The following AGBL1 variants were observed in gnomAD, a reference collection of about 807,000 sequenced individuals.
AGBL1 encodes the protein AGBL carboxypeptidase 1.
In AGBL1, 130 loss-of-function variants were observed where a neutral mutation model predicts 118.9. The observed-to-expected ratio is 1.09, with a 90% CI of 0.95 to 1.26. The LOEUF (loss-of-function observed/expected upper bound fraction) is 1.26, where lower values mean the gene tolerates loss of function less well. Among genes scored for constraint, AGBL1 ranks in the 50% most tolerant of loss-of-function variants. The pLI is 0.00. For synonymous variants in AGBL1, 555 were observed against 478.9 expected (o/e 1.16, Z -2.08); for missense variants, 1,584 against 1,298.1 (o/e 1.22, Z -3.38).
chr15:86,397,509 A>G lies in AGBL1; in HGVS notation c.2518A>G (p.Ile840Val). 2 of 1,612,618 alleles carry G rather than the reference A, an allele frequency of 1.2e-6. No individual in the cohort carries two copies. Among genetic ancestry groups the G allele is most frequent in the Non-Finnish European group, 1.7e-6 (2 of 1,179,290 alleles). Residue 840 changes from isoleucine to valine, a missense_variant, in exon 18 of 23, where the codon ATA (isoleucine) becomes GTA (valine). Transcript: ENST00000614907. ...GAGGGAAAACTTCATCTTCAAGATC[A>G]TACCCATGCTCAACCCAGATGGTGT... Reference protein sequence around the residue: ...LLRENFIFKIIPMLNPDGVIN... With the variant: ...LLRENFIFKIVPMLNPDGVIN...
At chr15:86,765,364 T>G (rs1174521465) in intron 22 of AGBL1, among the ~76,000 whole-genome samples, 1 of 151,938 alleles carries the variant, frequency 6.6e-6, no homozygotes, top group African/African-American at 2.4e-5. Context: ...GCCCTCACAG[T>G]CTAGTGAGGA....
intron 18 of AGBL1, among the ~76,000 whole-genome samples, chr15:86,445,561 T>C (rs1418486369): frequency 6.6e-6 from 1 of 152,248 alleles, no homozygotes; most frequent in South Asian, 2.1e-4. Flanking sequence ...CCCTGCTCCA[T>C]AGAAAATAAA....
intron 1 of AGBL1, among the ~76,000 whole-genome samples, chr15:86,102,961 G>A (rs1896822945): frequency 6.6e-6 from 1 of 151,536 alleles, no homozygotes; most frequent in South Asian, 2.1e-4. Flanking sequence ...TAAATATTTG[G>A]CCACTTTAAG....
intron 18 of AGBL1, among the ~76,000 whole-genome samples, chr15:86,429,574 C>T (rs1042189510): frequency 3.9e-5 from 6 of 152,130 alleles, no homozygotes; most frequent in South Asian, 2.1e-4. Flanking sequence ...CTCCTGGGAC[C>T]GTAACTTCAA....
rs1210324552 is a variant in AGBL1 at position 86,633,865 on chromosome 15, GTATATATATAATGTATA to G, written c.2995-40397_2995-40381del. Among the ~76,000 whole-genome samples, 45 of 102,864 alleles carry G rather than the reference GTATATATATAATGTATA, an allele frequency of 4.4e-4. 1 individual carries two copies. The highest frequency in any genetic ancestry group is 9.3e-4 in the African/African-American group (22 of 23,592). 67.5% of individuals were successfully genotyped at this position (102,864 alleles called of 152,430 possible). A position where few individuals can be genotyped will look rare whatever the true frequency, so the allele number is the denominator to read the frequency against. Reference sequence around the variant, plus strand: ...TATATAATGTATATATATATATAATGTATATATATAATGTATATATATATATATAATGTATATATATA... The same window carrying G: ...TATATAATGTATATATATATATAATGTATATATATATAATGTATATATATA... On this transcript the variant is annotated intron_variant, in intron 21 of 22. Coordinates refer to ENST00000614907, the MANE Select transcript of AGBL1 (RefSeq NM_001386094.1).
chr15:86,555,613 C>A (rs2083722949), intron 21 of AGBL1, among the ~76,000 whole-genome samples: 1 of 152,130 alleles, frequency 6.6e-6, no homozygotes, highest in Non-Finnish European at 1.5e-5. Context: ...CTGAATTAAT[C>A]CTATTCACCC....
intron 21 of AGBL1, among the ~76,000 whole-genome samples, chr15:86,570,120 A>G (rs2083982207): frequency 6.6e-6 from 1 of 152,150 alleles, no homozygotes; most frequent in African/African-American, 2.4e-5. Context: ...TTCCATACAA[A>G]TGTTCTGAGA....
At chr15:86,225,009 A>G in intron 6 of AGBL1, 58 bp downstream of exon 6, 1 of 1,524,372 alleles carries the variant, frequency 6.6e-7, no homozygotes, top group Non-Finnish European at 9.0e-7. Context: ...AATGAAAGAT[A>G]CTTTCTGGTC....
chr15:86,206,655 G>A (rs1037489043), intron 5 of AGBL1, among the ~76,000 whole-genome samples: 3 of 152,100 alleles, frequency 2.0e-5, no homozygotes, highest in African/African-American at 7.2e-5. Flanking sequence ...CTTTGTGATG[G>A]GATTGTTTGA....
intron 18 of AGBL1, among the ~76,000 whole-genome samples, chr15:86,415,930 T>C (rs892362542): frequency 6.6e-6 from 1 of 152,216 alleles, no homozygotes; most frequent in Non-Finnish European, 1.5e-5. Context: ...TCATTCCTAG[T>C]GTATTAAAAA....
At chr15:86,802,498 G>T (rs1168456936) in intron 22 of AGBL1, among the ~76,000 whole-genome samples, 1 of 152,100 alleles carries the variant, frequency 6.6e-6, no homozygotes, top group Non-Finnish European at 1.5e-5. Flanking sequence ...TGCAATGCTG[G>T]AGAGCCCAAT....
intron 1 of AGBL1, among the ~76,000 whole-genome samples, chr15:86,110,842 T>C (rs553427098): frequency 1.3e-5 from 2 of 152,192 alleles, no homozygotes; most frequent in South Asian, 4.2e-4. Context: ...CCAGAGGAAA[T>C]AGTTGTTCCT....
intron 5 of AGBL1, among the ~76,000 whole-genome samples, chr15:86,171,151 T>C (rs891777573): frequency 4.6e-5 from 7 of 152,104 alleles, no homozygotes; most frequent in African/African-American, 1.4e-4. Flanking sequence ...AAAAGAAAAC[T>C]TTAGGCAGAA....
Position 86,915,950 on chromosome 15 carries a change from GCCTCCTGGTCGGTA to G in AGBL1, c.*8657_*8670del, listed in dbSNP as rs1373514700. On this transcript the variant is annotated 3_prime_UTR_variant, in exon 23 of 23. Coordinates refer to ENST00000614907, the MANE Select transcript of AGBL1 (RefSeq NM_001386094.1). ...AACCTCCCTCAGCCCCGTTTGCGGT[GCCTCCTGGTCGGTA>G]ATTTTCCAGAAGCAATTTCTTGTTT... 6.6e-6 allele frequency: 1 copy of G among 152,170 alleles called. No homozygotes were observed. The highest frequency in any genetic ancestry group is 1.5e-5 in the Non-Finnish European group (1 of 68,054). 9.4% of individuals were successfully genotyped at this position (152,170 alleles called of 1,614,324 possible).
intron 24 of AGBL1, among the ~76,000 whole-genome samples, chr15:87,015,707 A>G (rs2081602718): frequency 6.6e-6 from 1 of 152,206 alleles, no homozygotes; most frequent in East Asian, 1.9e-4. Context: ...AGCCAATTAT[A>G]GTAATTTCAT....
At chr15:86,926,279 G>A (rs910462682) in intron 23 of AGBL1, among the ~76,000 whole-genome samples, 9 of 152,050 alleles carry the variant, frequency 5.9e-5, no homozygotes, top group East Asian at 1.9e-4. Flanking sequence ...ACTTTACTTC[G>A]TCTTACATTA....
intron 16 of AGBL1, among the ~76,000 whole-genome samples, chr15:86,291,084 C>G (rs1240288297): frequency 1.3e-5 from 2 of 152,104 alleles, no homozygotes; most frequent in Non-Finnish European, 2.9e-5. Flanking sequence ...TTAATCCAGA[C>G]TTGGAACCAA....
chr15:86,444,323 G>A (rs1292096061), intron 18 of AGBL1, among the ~76,000 whole-genome samples: 4 of 152,136 alleles, frequency 2.6e-5, no homozygotes, highest in African/African-American at 9.7e-5. Context: ...GCCCCAATAA[G>A]TCACTTGGAT....
chr15:86,906,731 C>T (rs1477919975), intron 22 of AGBL1, among the ~76,000 whole-genome samples: 1 of 152,070 alleles, frequency 6.6e-6, no homozygotes, highest in Non-Finnish European at 1.5e-5. Flanking sequence ...TGAGGCTGTG[C>T]ACATCTTCTG....
Sources: allele counts gnomAD v4.1 joint callset (sites outside exome capture counted in the v4.1 genomes callset), GRCh38; gene constraint gnomAD v4.1.1; transcripts MANE v1.5; gene names NCBI Gene and HGNC (gene_info 2026-07-23, HGNC 2026-07-21).